Variants in TPRG1 observed in about 807,000 individuals in gnomAD.
TPRG1 encodes the protein tumor protein p63-regulated gene 1 protein.
In TPRG1, 29 loss-of-function variants were observed where a neutral mutation model predicts 29.3. That is an observed-to-expected ratio of 0.99 (90% CI 0.74 to 1.35). TPRG1 has a LOEUF of 1.35. TPRG1 is among the 40% of genes most tolerant of loss of function. TPRG1 has a pLI of 0.00. For synonymous variants in TPRG1, 130 were observed against 116.8 expected, an observed-to-expected ratio of 1.11 and a Z score of -0.73; for missense variants, 327 against 335.0, an observed-to-expected ratio of 0.98 and a Z score of 0.19.
At chr3:189,129,351 C>A (rs1722850500) in intron 2 of TPRG1, among the ~76,000 whole-genome samples, 1 of 152,094 alleles carries the variant, frequency 6.6e-6, no homozygotes, top group Non-Finnish European at 1.5e-5. Flanking sequence ...GCAAAAGATA[C>A]CACAGCAGGG....
chr3:189,053,705 A>G (rs192726291), intron 4 of TPRG1, among the ~76,000 whole-genome samples: 121 of 152,322 alleles, frequency 7.9e-4, no homozygotes, highest in Admixed American at 2.4e-3. Flanking sequence ...GTTAAAGCCA[A>G]TACTCATTGT....
At chr3:189,233,825 G>A (rs1022627237) in intron 3 of TPRG1, among the ~76,000 whole-genome samples, 1 of 152,092 alleles carries the variant, frequency 6.6e-6, no homozygotes, top group Non-Finnish European at 1.5e-5. Flanking sequence ...AGAAAACTGT[G>A]ATTAGGGCCA....
intron 4 of TPRG1, among the ~76,000 whole-genome samples, chr3:189,289,091 T>C (rs527897641): frequency 1.3e-5 from 2 of 152,342 alleles, no homozygotes; most frequent in East Asian, 1.9e-4. Flanking sequence ...TGCTGAGTGA[T>C]GGGAAACACA....
At chr3:189,272,234 A>G (rs1394619013) in intron 4 of TPRG1, among the ~76,000 whole-genome samples, 2 of 152,142 alleles carry the variant, frequency 1.3e-5, no homozygotes, top group Admixed American at 6.5e-5. Context: ...ATCTGCTTTG[A>G]CTTGTATTCC....
intron 1 of TPRG1, among the ~76,000 whole-genome samples, chr3:189,194,778 G>A (rs1377813098): frequency 1.3e-5 from 2 of 152,092 alleles, no homozygotes; most frequent in Non-Finnish European, 2.9e-5. Flanking sequence ...GGATTTCAGG[G>A]CTCAGCAGTA....
intron 5 of TPRG1, among the ~76,000 whole-genome samples, chr3:189,160,409 A>C (rs1394698932): frequency 1.3e-5 from 2 of 152,134 alleles, no homozygotes; most frequent in Admixed American, 1.3e-4. Flanking sequence ...TTTAATTGGA[A>C]GTGTTGGGAT....
At chr3:189,073,335 C>T (rs998829486) in intron 4 of TPRG1, among the ~76,000 whole-genome samples, 1 of 152,152 alleles carries the variant, frequency 6.6e-6, no homozygotes, top group Non-Finnish European at 1.5e-5. Flanking sequence ...TTGTTCGGTC[C>T]TGTTAACACA....
chr3:189,138,425 A>G lies in TPRG1; in HGVS notation c.-291+5728A>G, dbSNP rs185610841. 2.2e-3 allele frequency among the ~76,000 whole-genome samples: 342 copies of G among 152,314 alleles called. 2 individuals are homozygous for G. The highest frequency in any genetic ancestry group is 5.5e-3 in the Admixed American group (84 of 15,300). ...AAATACCAGCGGATTAAGAGAGCAG[A>G]CTTTCATTTCTCACCCACTTCCCAG... is the stretch of plus-strand genomic sequence containing the variant. On this transcript the variant is annotated intron_variant, in intron 3 of 6. Coordinates refer to the TPRG1 transcript ENST00000412373.
intron 5 of TPRG1, among the ~76,000 whole-genome samples, chr3:189,318,992 G>T (rs1723974399): frequency 6.6e-6 from 1 of 152,108 alleles, no homozygotes; most frequent in Non-Finnish European, 1.5e-5. Context: ...CCAAGCCCTT[G>T]CTCAATCATT....
At chr3:189,175,453 T>C (rs777704478) in intron 1 of TPRG1, among the ~76,000 whole-genome samples, 3 of 152,236 alleles carry the variant, frequency 2.0e-5, no homozygotes, top group Admixed American at 6.5e-5. Flanking sequence ...TCCTGGGTGC[T>C]GGCAGGCTCA....
chr3:189,316,043 C>G (rs1267557597), intron 5 of TPRG1, among the ~76,000 whole-genome samples: 1 of 152,084 alleles, frequency 6.6e-6, no homozygotes, highest in African/African-American at 2.4e-5. Flanking sequence ...CTGCGAATTA[C>G]AAAGGTATAC....
At chr3:189,304,873 G>A (rs1721388457) in intron 4 of TPRG1, among the ~76,000 whole-genome samples, 1 of 151,984 alleles carries the variant, frequency 6.6e-6, no homozygotes, top group Non-Finnish European at 1.5e-5. Context: ...TCTCCCCATC[G>A]CCCGCCCGCC....
intron 3 of TPRG1, among the ~76,000 whole-genome samples, chr3:189,226,716 A>G (rs545505725): frequency 1.0e-3 from 152 of 151,662 alleles, no homozygotes; most frequent in African/African-American, 3.5e-3. Flanking sequence ...AAAAACCGAA[A>G]GAACTATAGA....
chr3:189,155,084 C>T (rs1726487946), intron 5 of TPRG1, among the ~76,000 whole-genome samples: 1 of 151,988 alleles, frequency 6.6e-6, no homozygotes, highest in South Asian at 2.1e-4. Context: ...AGCTAAGGGA[C>T]CCACGTGGAG....
At chr3:189,129,265 A>G (rs767681884) in intron 2 of TPRG1, among the ~76,000 whole-genome samples, 1 of 152,132 alleles carries the variant, frequency 6.6e-6, no homozygotes, top group Non-Finnish European at 1.5e-5. Context: ...TTTGAAGAGT[A>G]CTGATGAGTT....
chr3:189,260,274 C>T (rs577593149), intron 4 of TPRG1, among the ~76,000 whole-genome samples: 26 of 152,278 alleles, frequency 1.7e-4, no homozygotes, highest in East Asian at 5.8e-4. Flanking sequence ...ATTTGAATTA[C>T]GCAAGCATCT....
chr3:189,030,995 G>A (rs776913813), intron 4 of TPRG1, among the ~76,000 whole-genome samples: 7 of 152,112 alleles, frequency 4.6e-5, no homozygotes, highest in Non-Finnish European at 8.8e-5. Flanking sequence ...AAAAAGGGCC[G>A]AGCGTGGCTC....
chr3:189,120,802 A>G (rs9867605), intron 1 of TPRG1, among the ~76,000 whole-genome samples: 65,851 of 152,136 alleles, frequency 0.43, 19,237 homozygotes, highest in African/African-American at 0.82. Context: ...ACCTCGATAT[A>G]GGTCAATAAA....
At chr3:189,104,312 G>A (rs895292387) in intron 1 of TPRG1, among the ~76,000 whole-genome samples, 13 of 152,090 alleles carry the variant, frequency 8.5e-5, no homozygotes, top group South Asian at 8.3e-4. Flanking sequence ...CTTGACAGGC[G>A]TAGATATTCA....
Sources: allele counts gnomAD v4.1 joint callset (sites outside exome capture counted in the v4.1 genomes callset), GRCh38; gene constraint gnomAD v4.1.1; transcripts MANE v1.5; gene names NCBI Gene and HGNC (gene_info 2026-07-23, HGNC 2026-07-21).